The following CDK14 variants were observed in gnomAD, a reference collection of about 807,000 sequenced individuals.
The protein encoded by CDK14 is cyclin dependent kinase 14, also known as cyclin-dependent kinase 14.
A neutral mutation model predicts 60.7 loss-of-function variants in CDK14; 34 were observed. The observed-to-expected ratio is 0.56, with a 90% CI of 0.43 to 0.75. The LOEUF (loss-of-function observed/expected upper bound fraction) is 0.75, where lower values mean the gene tolerates loss of function less well. Ranked by LOEUF, CDK14 falls within the 30% of genes least tolerant of loss-of-function variation. CDK14 has a pLI of 0.00. For missense variants in CDK14, 482 were observed against 564.1 expected, an observed-to-expected ratio of 0.85 and a Z score of 1.47; for synonymous variants, 197 against 203.7, an observed-to-expected ratio of 0.97 and a Z score of 0.28.
intron 10 of CDK14, among the ~76,000 whole-genome samples, chr7:91,037,951 C>T (rs1355983101): frequency 6.6e-6 from 1 of 152,068 alleles, no homozygotes; most frequent in East Asian, 1.9e-4. Context: ...CTCCAGTTCC[C>T]TTAGTGAAAT....
chr7:90,681,224 G>A (rs926336325), intron 2 of CDK14, among the ~76,000 whole-genome samples: 1 of 152,104 alleles, frequency 6.6e-6, no homozygotes. Flanking sequence ...TTGCTTTCCC[G>A]TATTGTTGGT....
At chr7:90,905,397 A>C (rs1357009382) in intron 7 of CDK14, among the ~76,000 whole-genome samples, 1 of 152,202 alleles carries the variant, frequency 6.6e-6, no homozygotes, top group East Asian at 1.9e-4. Context: ...ATTATTACTA[A>C]CACCAGGAAA....
At position 91,209,233 on chromosome 7, in the gene CDK14, G is replaced by A. The variant is rs1489064694; in HGVS notation, c.*2097G>A. On this transcript the variant is annotated 3_prime_UTR_variant, in exon 15 of 15. Transcript: ENST00000380050. ...AAAGACTTCAATTAGGGCTATTAGAGTTATATCTCCCTGTCGTAGGCAGCT... is the reference window on the plus strand; with the variant it reads ...AAAGACTTCAATTAGGGCTATTAGAATTATATCTCCCTGTCGTAGGCAGCT... 1 of 152,184 alleles carries A rather than the reference G, an allele frequency of 6.6e-6. No individual in the cohort carries two copies. The highest frequency in any genetic ancestry group is 1.5e-5 in the Non-Finnish European group (1 of 68,034). The allele number at this position is 152,184 out of a possible 1,614,324, so 9.4% of individuals were successfully genotyped here.
chr7:90,920,064 G>A (rs1793202432), intron 8 of CDK14, among the ~76,000 whole-genome samples: 1 of 152,170 alleles, frequency 6.6e-6, no homozygotes, highest in Admixed American at 6.5e-5. Context: ...AATTAATTGT[G>A]TGATTTTTTT....
At chr7:90,782,300 C>G (rs13231092) in intron 4 of CDK14, among the ~76,000 whole-genome samples, 31,145 of 151,932 alleles carry the variant, frequency 0.2, 3,332 homozygotes, top group South Asian at 0.24. Flanking sequence ...TGCTTATCAG[C>G]TTAAGGAGAT....
At chr7:90,871,382 G>C (rs953052762) in intron 6 of CDK14, among the ~76,000 whole-genome samples, 11 of 152,040 alleles carry the variant, frequency 7.2e-5, no homozygotes, top group Admixed American at 2.0e-4. Context: ...TGATTTCTTT[G>C]GTGTATGGGA....
rs373603958 is a variant in CDK14, at chr7:91,054,772, T to C, written c.1105+8812T>C. On this transcript the variant is annotated intron_variant, in intron 11 of 14. Coordinates refer to ENST00000380050, the MANE Select transcript of CDK14 (RefSeq NM_001287135.2). ...CCTTTTTCTTGCAGAGCTCACATGC[T>C]AGAGAGGGGACTAATAATAGACAAA... Among the ~76,000 whole-genome samples the C allele has an allele frequency of 4.6e-5, 7 of 152,224 alleles. No individual in the cohort carries two copies. In the East Asian group the frequency reaches 7.7e-4, roughly 17 times the overall value.
intron 14 of CDK14, among the ~76,000 whole-genome samples, chr7:91,183,180 T>C (rs543828838): frequency 6.6e-6 from 1 of 152,324 alleles, no homozygotes; most frequent in African/African-American, 2.4e-5. Context: ...TTTTGTTGGC[T>C]GAAAACTAAA....
intron 14 of CDK14, among the ~76,000 whole-genome samples, chr7:91,153,233 A>G (rs1305858924): frequency 3.3e-5 from 5 of 152,226 alleles, no homozygotes; most frequent in Admixed American, 1.3e-4. Flanking sequence ...ATAAGTATTT[A>G]TAATAACAGA....
chr7:90,713,401 A>C (rs574025447), intron 2 of CDK14, among the ~76,000 whole-genome samples: 1 of 151,960 alleles, frequency 6.6e-6, no homozygotes, highest in South Asian at 2.1e-4. Flanking sequence ...AGTCTTCCCA[A>C]ATAAGCCTGC....
rs1414067957 is a variant in CDK14 at position 90,972,466 on chromosome 7, ACCT to A, written c.948-11678_948-11676del. Among the ~76,000 whole-genome samples, 8 of 152,284 alleles carry A rather than the reference ACCT, an allele frequency of 5.3e-5. No individual in the cohort carries two copies. The East Asian group carries it at 1.5e-3, about 29-fold the overall frequency. On this transcript the variant is annotated intron_variant, in intron 9 of 14. Transcript: ENST00000380050. ...TTTAATTTTCATCTTTTTGAAGCTG[ACCT>A]CCTAGGGAAGAAAACTCTTTGTTCT...
intron 3 of CDK14, among the ~76,000 whole-genome samples, chr7:90,727,947 C>T (rs1036006760): frequency 6.6e-6 from 1 of 152,092 alleles, no homozygotes. Context: ...AGTACATCCT[C>T]GCAGTAGCTT....
intron 2 of CDK14, chr7:90,608,477 G>C: frequency 9.5e-6 from 7 of 738,934 alleles, no homozygotes; most frequent in Non-Finnish European, 1.2e-5. Context: ...TGTTCTCATG[G>C]GTAAATTAAA....
At chr7:91,116,032 G>A (rs1202988031) in intron 13 of CDK14, among the ~76,000 whole-genome samples, 1 of 152,126 alleles carries the variant, frequency 6.6e-6, no homozygotes, top group Admixed American at 6.6e-5. Context: ...TTCTCCCTCT[G>A]TCCTGAAACC....
At chr7:90,687,491 T>A (rs571164765) in intron 2 of CDK14, among the ~76,000 whole-genome samples, 4 of 152,214 alleles carry the variant, frequency 2.6e-5, no homozygotes, top group African/African-American at 9.6e-5. Flanking sequence ...AAAGGAGGGC[T>A]TTTTGAACAA....
chr7:90,616,625 A>G (rs774687090), intron 2 of CDK14, among the ~76,000 whole-genome samples: 1 of 152,194 alleles, frequency 6.6e-6, no homozygotes, highest in Admixed American at 6.5e-5. Flanking sequence ...GCATTACTTT[A>G]TCTAAATGAT....
intron 4 of CDK14, among the ~76,000 whole-genome samples, chr7:90,766,862 C>CAGCTCTG (rs913790591): frequency 5.3e-5 from 8 of 152,190 alleles, no homozygotes; most frequent in African/African-American, 1.9e-4. Context: ...TCCGGCTCCA[C>CAGCTCTG]AGCTCCTCTC....
intron 2 of CDK14, among the ~76,000 whole-genome samples, chr7:90,692,955 C>G (rs1801585205): frequency 6.6e-6 from 1 of 151,856 alleles, no homozygotes; most frequent in Admixed American, 6.6e-5. Context: ...AAAAAATTCT[C>G]CCTGGAGTAA....
chr7:90,876,116 C>T (rs1364997616), intron 6 of CDK14, among the ~76,000 whole-genome samples: 1 of 152,052 alleles, frequency 6.6e-6, no homozygotes, highest in East Asian at 1.9e-4. Flanking sequence ...ATTGGGAATT[C>T]CAGGTATGTG....
Sources: allele counts gnomAD v4.1 joint callset (sites outside exome capture counted in the v4.1 genomes callset), GRCh38; gene constraint gnomAD v4.1.1; transcripts MANE v1.5; gene names NCBI Gene and HGNC (gene_info 2026-07-23, HGNC 2026-07-21).